The following SLC2A3 variants were observed in gnomAD, a reference collection of about 807,000 sequenced individuals.
The protein encoded by SLC2A3 is solute carrier family 2 member 3.
In SLC2A3, 21 loss-of-function variants were observed where a neutral mutation model predicts 46.4. The observed-to-expected ratio is 0.45, with a 90% CI of 0.32 to 0.65. The LOEUF (loss-of-function observed/expected upper bound fraction) is 0.65, where lower values mean the gene tolerates loss of function less well. Among genes scored for constraint, SLC2A3 ranks in the 30% least tolerant of loss-of-function variants. The probability of loss-of-function intolerance (pLI) is 0.04; values close to 1 mark genes in which losing one functional copy is unlikely to be tolerated. For missense variants in SLC2A3, 499 were observed against 623.3 expected (o/e 0.80, Z 2.12); for synonymous variants, 213 against 239.4 (o/e 0.89, Z 1.02).
intron 6 of SLC2A3, among the ~76,000 whole-genome samples, chr12:7,928,746 T>C (rs1018935410): frequency 9.9e-5 from 15 of 152,084 alleles, no homozygotes; most frequent in Non-Finnish European, 1.9e-4. Context: ...GCCTACATTA[T>C]CATTTCCAAA....
Position 7,919,995 on chromosome 12 carries a change from C to T in SLC2A3, c.*1418G>A, listed in dbSNP as rs1946019297. 1 of 152,272 alleles carries T rather than the reference C, an allele frequency of 6.6e-6. No individual in the cohort carries two copies. Among genetic ancestry groups the T allele is most frequent in the East Asian group, 1.9e-4 (1 of 5,188 alleles). The allele number at this position is 152,272 out of a possible 1,614,324, so 9.4% of individuals were successfully genotyped here. On this transcript the variant is annotated 3_prime_UTR_variant, in exon 10 of 10. Coordinates refer to ENST00000075120, the MANE Select transcript of SLC2A3 (RefSeq NM_006931.3). Reference sequence around the variant, plus strand: ...TGCACATTGACTCATACTGTCTAAACCTGGTTTATTGGAAAGATTCAAGTC... The same window carrying T: ...TGCACATTGACTCATACTGTCTAAATCTGGTTTATTGGAAAGATTCAAGTC...
In SLC2A3 at chr12:7,924,402, G is replaced by T. The variant is rs1946073004; in HGVS notation, c.1068+8C>A. 6.2e-7 allele frequency: 1 copy of T among 1,609,958 alleles called. No homozygotes were observed. The highest frequency in any genetic ancestry group is 1.4e-5 in the African/African-American group (1 of 73,808). ...CCCTCCCTTTTTTTTCACCCAAAGA[G>T]CACCTACCTTTAATAACAAAGAAAC... On this transcript the variant is annotated splice_region_variant and intron_variant, in intron 8 of 9. Transcript: ENST00000075120.
At chr12:7,932,747 T>C (rs1383685093) in intron 3 of SLC2A3, 4 of 502,816 alleles carry the variant, frequency 8.0e-6, no homozygotes, top group African/African-American at 7.6e-5. Flanking sequence ...TATCCCTAGC[T>C]GGACTGCAAA....
Position 7,936,038 on chromosome 12 carries a change from T to TG in SLC2A3, c.-5dup. The stretch of plus-strand genomic sequence containing the variant: ...TTCTTACCTTCTGTGTCCCCATCGC[T>TG]GTAATCTAATTCAAGTCTTCAAGAA... On this transcript the variant is annotated 5_prime_UTR_variant, in exon 1 of 10. Transcript: ENST00000075120. 3 of 1,607,330 alleles carry TG rather than the reference T, an allele frequency of 1.9e-6. No homozygotes were observed. The highest frequency in any genetic ancestry group is 1.7e-6 in the Non-Finnish European group (2 of 1,173,836).
Position 7,921,192 on chromosome 12 carries a change from G to C in SLC2A3, c.*221C>G. 3 of 956,714 alleles carry C rather than the reference G, an allele frequency of 3.1e-6. No homozygotes were observed. The highest frequency in any genetic ancestry group is 4.6e-6 in the Non-Finnish European group (3 of 651,650). The allele number at this position is 956,714 out of a possible 1,614,324, so 59.3% of individuals were successfully genotyped here. ...TCCTGAAATGAAGGTAGGTTCACTC[G>C]GTCTCTCCTAAGCAGAAGAGGATGT... On this transcript the variant is annotated 3_prime_UTR_variant, in exon 10 of 10. Transcript: ENST00000075120.
rs1946035188 is a variant in SLC2A3 at position 7,921,392 on chromosome 12, G to A, written c.*21C>T. 3 of 1,613,822 alleles carry A rather than the reference G, an allele frequency of 1.9e-6. No individual in the cohort carries two copies. Among genetic ancestry groups the A allele is most frequent in the African/African-American group, 2.7e-5 (2 of 74,906 alleles). The stretch of plus-strand genomic sequence containing the variant: ...AGAGGTGGCTTTCCCATGCCGGGAG[G>A]GAGGTGGAAGGAGGCACGACTTAGA... On this transcript the variant is annotated 3_prime_UTR_variant, in exon 10 of 10. Coordinates refer to ENST00000075120, the MANE Select transcript of SLC2A3 (RefSeq NM_006931.3).
Position 7,921,463 on chromosome 12 carries a change from T to A in SLC2A3, c.1441A>T (p.Met481Leu). The A allele has an allele frequency of 1.9e-6, 3 of 1,613,956 alleles. No homozygotes were observed. Among genetic ancestry groups the A allele is most frequent in the Non-Finnish European group, 2.5e-6 (3 of 1,179,864 alleles). Residue 481 changes from methionine to leucine, a missense_variant, in exon 10 of 10, where the codon ATG becomes TTG. Physicochemically the swap from Met to Leu is conservative, Grantham distance 15. Around this residue, in one of 5 missense-constraint regions of SLC2A3, gnomAD observed 179 missense variants for 205.1 expected, o/e 0.87. Coordinates refer to ENST00000075120, the MANE Select transcript of SLC2A3 (RefSeq NM_006931.3). Reference sequence around the variant, plus strand: ...GCAGGCTCGATGCTGTTCATCTCCATGACGCCGTCCTTTCCAGATCTATCT... The same window carrying A: ...GCAGGCTCGATGCTGTTCATCTCCAAGACGCCGTCCTTTCCAGATCTATCT... ...GADRSGKDGV[M>L]EMNSIEPAKE... is the part of the protein sequence containing the mutation.
At chr12:7,931,029 C>T (rs1362884967) in intron 4 of SLC2A3, among the ~76,000 whole-genome samples, 13 of 152,006 alleles carry the variant, frequency 8.6e-5, no homozygotes, top group Non-Finnish European at 5.9e-5. Flanking sequence ...ATCTGCTGAC[C>T]TCGTGATCTG....
chr12:7,929,575 T>C, intron 6 of SLC2A3, 109 bp downstream of exon 6: 1 of 1,393,218 alleles, frequency 7.2e-7, no homozygotes, highest in Non-Finnish European at 9.7e-7. Context: ...AGTGATCCTC[T>C]TACCTCAGCC....
intron 6 of SLC2A3, among the ~76,000 whole-genome samples, chr12:7,927,436 C>T (rs1226751560): frequency 6.6e-6 from 1 of 152,094 alleles, no homozygotes; most frequent in East Asian, 1.9e-4. Flanking sequence ...AGTAAAATGA[C>T]TTTGCTATCT....
chr12:7,929,336 C>T (rs1410805869), intron 6 of SLC2A3, among the ~76,000 whole-genome samples: 1 of 152,096 alleles, frequency 6.6e-6, no homozygotes, highest in African/African-American at 2.4e-5. Context: ...CGTTGTGCCG[C>T]CCTCTTTAAA....
At chr12:7,930,890 G>A (rs948736044) in intron 4 of SLC2A3, among the ~76,000 whole-genome samples, 2 of 146,396 alleles carry the variant, frequency 1.4e-5, no homozygotes, top group African/African-American at 2.6e-5. Flanking sequence ...TCTGCCTACC[G>A]GGTTCACGCC....
At chr12:7,930,688 G>C in intron 4 of SLC2A3, 46 bp from the exon 5 acceptor site, 1 of 1,539,500 alleles carries the variant, frequency 6.5e-7, no homozygotes, top group Non-Finnish European at 8.8e-7. Flanking sequence ...TACTTCACAG[G>C]CCACAAGTTC....
At position 7,936,150 on chromosome 12, in the gene SLC2A3, T is replaced by C. The variant is rs1355091502; in HGVS notation, c.-116A>G. ...TCAGCAGCAAGTTTTCTCCACGTCC[T>C]CAGGAAGGATCCAAAGTCTTACCAT... On this transcript the variant is annotated 5_prime_UTR_variant, in exon 1 of 10. Transcript: ENST00000075120. 2 of 843,540 alleles carry C rather than the reference T, an allele frequency of 2.4e-6. No individual in the cohort carries two copies. Among genetic ancestry groups the C allele is most frequent in the Non-Finnish European group, 4.1e-6 (2 of 485,516 alleles). 52.3% of individuals were successfully genotyped at this position (843,540 alleles called of 1,614,324 possible).
Position 7,933,880 on chromosome 12 carries a change from G to T in SLC2A3, c.38C>A (p.Ala13Asp). 6.2e-7 allele frequency: 1 copy of T among 1,614,036 alleles called. No individual in the cohort carries two copies. The highest frequency in any genetic ancestry group is 8.5e-7 in the Non-Finnish European group (1 of 1,179,940). The part of the protein sequence containing the change: ...TQKVTPALIF[A>D]ITVATIGSFQ... ...AGAGCCGATTGTAGCAACTGTGATGGCAAATATCAGAGCTGGGGTGACCTG... is the reference window on the plus strand; with the variant it reads ...AGAGCCGATTGTAGCAACTGTGATGTCAAATATCAGAGCTGGGGTGACCTG... The change falls in exon 2 of 10, where the codon GCC (alanine) becomes GAC (aspartate). Residue 13 changes from alanine to aspartate, a missense_variant. Physicochemically the swap from Ala to Asp is moderately radical, Grantham distance 126. Coordinates refer to ENST00000075120, the MANE Select transcript of SLC2A3 (RefSeq NM_006931.3).
At chr12:7,929,919 C>A (rs781731264) in intron 5 of SLC2A3, 48 bp from the exon 6 acceptor site, 12 of 1,612,198 alleles carry the variant, frequency 7.4e-6, no homozygotes, top group Admixed American at 5.0e-5. Flanking sequence ...TGTGCTGCCC[C>A]AAATTCATTC....
intron 2 of SLC2A3, 72 bp from the exon 3 acceptor site, chr12:7,933,219 A>C: frequency 6.6e-7 from 1 of 1,503,812 alleles, no homozygotes; most frequent in Non-Finnish European, 9.2e-7. Context: ...AACATTAGGG[A>C]TCATTTCCTT....
At chr12:7,935,891 C>T (rs1476857074) in intron 1 of SLC2A3, 129 bp downstream of exon 1, 6 of 793,310 alleles carry the variant, frequency 7.6e-6, no homozygotes, top group African/African-American at 3.4e-5. Context: ...AGGCTAGAGA[C>T]GAAATGAAAA....
At chr12:7,929,114 G>T (rs913379151) in intron 6 of SLC2A3, among the ~76,000 whole-genome samples, 1 of 152,024 alleles carries the variant, frequency 6.6e-6, no homozygotes, top group African/African-American at 2.4e-5. Context: ...TTTGCAAAAT[G>T]CTTTGTTACA....
Sources: allele counts gnomAD v4.1 joint callset (sites outside exome capture counted in the v4.1 genomes callset), GRCh38; gene constraint gnomAD v4.1.1; regional missense constraint gnomAD v4.1.1; transcripts MANE v1.5; gene names NCBI Gene and HGNC (gene_info 2026-07-23, HGNC 2026-07-21).